The following TLCD4 variants were observed in gnomAD, a reference collection of about 807,000 sequenced individuals.
TLCD4 encodes TLC domain containing 4, also known as TLC domain-containing protein 4.
Under a neutral mutation model 24.2 loss-of-function variants are expected in TLCD4, and 7 were observed. That is an observed-to-expected ratio of 0.29 (90% CI 0.16 to 0.54). The LOEUF (loss-of-function observed/expected upper bound fraction) is 0.54. Among genes scored for constraint, TLCD4 ranks in the 20% least tolerant of loss-of-function variants. The pLI is 0.95. For synonymous variants in TLCD4, 103 were observed against 106.4 expected (o/e 0.97, Z 0.20); for missense variants, 259 against 313.9 (o/e 0.82, Z 1.32).
At chr1:95,127,579 C>A (rs1367928987) in intron 1 of TLCD4, among the ~76,000 whole-genome samples, 3 of 152,224 alleles carry the variant, frequency 2.0e-5, no homozygotes, top group African/African-American at 7.2e-5. Flanking sequence ...TGTGATCCCT[C>A]CAGGAAGGGA....
At chr1:95,102,377 G>A in the TLCD4 span, among the ~76,000 whole-genome samples, 7 of 152,168 alleles carry the variant, frequency 4.6e-5, no homozygotes, top group South Asian at 4.1e-4. Flanking sequence ...TAGGGAGTCT[G>A]ACTGACAGAA....
At chr1:95,182,538 G>T (rs1214483876) in intron 6 of TLCD4, among the ~76,000 whole-genome samples, 1 of 152,076 alleles carries the variant, frequency 6.6e-6, no homozygotes, top group Non-Finnish European at 1.5e-5. Flanking sequence ...GTTTTTAACT[G>T]CAAGCAAGCA....
rs867680332 is a variant in TLCD4, at chr1:95,196,122, T to C, written c.*4254T>C. The C allele has an allele frequency of 1.3e-5, 2 of 152,234 alleles. No homozygotes were observed. Among genetic ancestry groups the C allele is most frequent in the South Asian group, 4.1e-4 (2 of 4,830 alleles). 9.4% of individuals were successfully genotyped at this position (152,234 alleles called of 1,614,324 possible). A position where few individuals can be genotyped will look rare whatever the true frequency, so the allele number is the denominator to read the frequency against. Reference sequence around the variant, plus strand: ...CATTTAATAATAACTGTTTACAACATGAGGCAAAGCTAATAATGTTATGGT... The same window carrying C: ...CATTTAATAATAACTGTTTACAACACGAGGCAAAGCTAATAATGTTATGGT... On this transcript the variant is annotated 3_prime_UTR_variant, in exon 7 of 7. Coordinates refer to ENST00000370203, the MANE Select transcript of TLCD4 (RefSeq NM_152487.3).
At chr1:95,107,414 C>T in the TLCD4 span, among the ~76,000 whole-genome samples, 2 of 152,152 alleles carry the variant, frequency 1.3e-5, no homozygotes, top group African/African-American at 4.8e-5. Context: ...CAGAGCAAGA[C>T]TCTGTCTTAA....
At chr1:95,133,117 G>C (rs1211436996) in intron 1 of TLCD4, among the ~76,000 whole-genome samples, 1 of 152,188 alleles carries the variant, frequency 6.6e-6, no homozygotes. Context: ...TATGGAAAGA[G>C]AGGATTGAAG....
intron 1 of TLCD4, among the ~76,000 whole-genome samples, chr1:95,124,256 A>G (rs756053651): frequency 4.6e-4 from 70 of 152,208 alleles, no homozygotes; most frequent in Non-Finnish European, 8.5e-4. Context: ...TGTATTTCGA[A>G]GTCCTGTTCT....
In TLCD4 at chr1:95,191,753, T is replaced by C; in HGVS notation, c.677T>C (p.Leu226Ser). 6.2e-7 allele frequency: 1 copy of C among 1,614,212 alleles called. No homozygotes were observed. Among genetic ancestry groups the C allele is most frequent in the South Asian group, 1.1e-5 (1 of 91,086 alleles). ...TCCTGGGTCATTAGTTGTGTTGTTT[T>C]GGATGTGATGAATGTCATGTGGATG... ...QLSWVISCVV[L>S]DVMNVMWMIK... Residue 226 changes from leucine (L) to serine (S), a missense_variant, in exon 7 of 7, where the codon TTG becomes TCG. Physicochemically the swap from Leu to Ser is moderately radical, Grantham distance 145. Transcript: ENST00000370203.
rs1351376736 is a variant in TLCD4 at position 95,194,718 on chromosome 1, C to A, written c.*2850C>A. 1 of 151,806 alleles carries A rather than the reference C, an allele frequency of 6.6e-6. No homozygotes were observed. Among genetic ancestry groups the A allele is most frequent in the Non-Finnish European group, 1.5e-5 (1 of 67,920 alleles). The allele number at this position is 151,806 out of a possible 1,614,324, so 9.4% of individuals were successfully genotyped here. ...TGAAACTTAAAAAATGAATGAAAAC[C>A]AACTAATAGCATGCAAGATCATAGA... On this transcript the variant is annotated 3_prime_UTR_variant, in exon 7 of 7. Transcript: ENST00000370203.
chr1:95,116,419 C>T (rs916064728), upstream of TLCD4, among the ~76,000 whole-genome samples: 6 of 152,050 alleles, frequency 3.9e-5, no homozygotes, highest in East Asian at 1.9e-4. Context: ...TGTCTTTCTG[C>T]GCATGTATAT....
chr1:95,156,529 G>A (rs939167420), intron 5 of TLCD4, among the ~76,000 whole-genome samples: 1 of 152,144 alleles, frequency 6.6e-6, no homozygotes, highest in African/African-American at 2.4e-5. Flanking sequence ...CAATTGGCAT[G>A]TTAGAAAAAT....
intron 6 of TLCD4, among the ~76,000 whole-genome samples, chr1:95,181,055 C>T (rs1379776883): frequency 6.6e-6 from 1 of 152,174 alleles, no homozygotes; most frequent in Non-Finnish European, 1.5e-5. Context: ...CGAGATCACG[C>T]TACTGTACTC....
chr1:95,118,533 A>G (rs890654333), intron 1 of TLCD4, among the ~76,000 whole-genome samples: 1 of 152,212 alleles, frequency 6.6e-6, no homozygotes, highest in Admixed American at 6.5e-5. Context: ...AAGATGGAAG[A>G]GTTTGTGTGG....
At chr1:95,170,906 C>T (rs1193242745) in intron 5 of TLCD4, among the ~76,000 whole-genome samples, 2 of 151,934 alleles carry the variant, frequency 1.3e-5, no homozygotes, top group African/African-American at 4.8e-5. Context: ...AAACTTTGAA[C>T]AAGCCACCAA....
At chr1:95,098,867 C>T in the TLCD4 span, among the ~76,000 whole-genome samples, 1 of 151,714 alleles carries the variant, frequency 6.6e-6, no homozygotes, top group Non-Finnish European at 1.5e-5. Flanking sequence ...GAGTTCAAGA[C>T]CAGCCTGACC....
chr1:95,179,528 A>G (rs528991587), intron 6 of TLCD4, among the ~76,000 whole-genome samples: 1 of 152,304 alleles, frequency 6.6e-6, no homozygotes, highest in South Asian at 2.1e-4. Context: ...CTCTTTATGG[A>G]AATAGTTTTC....
At chr1:95,106,122 C>T in the TLCD4 span, among the ~76,000 whole-genome samples, 2 of 152,118 alleles carry the variant, frequency 1.3e-5, no homozygotes, top group African/African-American at 4.8e-5. Context: ...CATTTAAGAA[C>T]TTGTTATTGA....
chr1:95,125,612 C>T (rs546769190), intron 1 of TLCD4: 6 of 152,276 alleles, frequency 3.9e-5, no homozygotes, highest in South Asian at 4.1e-4. Flanking sequence ...GACTAGCCCT[C>T]GGGTAGAGTG....
the TLCD4 span, among the ~76,000 whole-genome samples, chr1:95,103,267 C>A: frequency 5.9e-5 from 9 of 152,310 alleles, no homozygotes; most frequent in Admixed American, 5.9e-4. Context: ...ACGTGAGCCA[C>A]TGAACCTGGC....
chr1:95,184,648 G>A (rs896378039), intron 6 of TLCD4, among the ~76,000 whole-genome samples: 1 of 152,174 alleles, frequency 6.6e-6, no homozygotes, highest in African/African-American at 2.4e-5. Context: ...GCCTGTCTTA[G>A]TAATAACAGT....
Sources: gnomAD v4.1 joint callset for allele counts (sites outside exome capture counted in the v4.1 genomes callset) on GRCh38, gnomAD v4.1.1 for gene constraint, MANE v1.5 for transcripts, NCBI Gene and HGNC (gene_info 2026-07-23, HGNC 2026-07-21) for gene names.